The following GBF1 variants were observed in gnomAD, a reference collection of about 807,000 sequenced individuals.
GBF1 encodes the protein Golgi-specific brefeldin A-resistance guanine nucleotide exchange factor 1.
Under a neutral mutation model 210.5 loss-of-function variants are expected in GBF1, and 114 were observed. The ratio of observed to expected loss-of-function variants is 0.54; its 90% CI spans 0.47 to 0.63. The LOEUF (loss-of-function observed/expected upper bound fraction) is 0.63. Among genes scored for constraint, GBF1 ranks in the 30% least tolerant of loss-of-function variants. The pLI is 0.00. For missense variants in GBF1, 1,851 were observed against 2,357.7 expected (o/e 0.79, Z 4.45); for synonymous variants, 850 against 889.2 (o/e 0.96, Z 0.78).
At chr10:102,283,101 G>A (rs1219285041) in intron 3 of GBF1, among the ~76,000 whole-genome samples, 1 of 152,196 alleles carries the variant, frequency 6.6e-6, no homozygotes, top group Non-Finnish European at 1.5e-5. Context: ...CAGAGAAGTA[G>A]TAGTGAAGAT....
chr10:102,319,142 C>G (rs892606911), intron 3 of GBF1, among the ~76,000 whole-genome samples: 5 of 152,126 alleles, frequency 3.3e-5, no homozygotes, highest in Non-Finnish European at 5.9e-5. Flanking sequence ...ATGGTGAAAC[C>G]CCGTCTCTAC....
chr10:102,362,733 T>C (rs1433945853), intron 15 of GBF1, 69 bp downstream of exon 15: 2 of 1,268,584 alleles, frequency 1.6e-6, no homozygotes, highest in Non-Finnish European at 2.3e-6. Flanking sequence ...CTCTGAGTCG[T>C]TTTTCCTGTC....
chr10:102,231,234 G>C, the GBF1 span: 1 of 904,530 alleles, frequency 1.1e-6, no homozygotes, highest in South Asian at 1.8e-5. Flanking sequence ...AGACGGGGTG[G>C]GAGGGAAGGA....
chr10:102,361,627 C>A, intron 13 of GBF1, 91 bp from the exon 14 acceptor site: 1 of 831,520 alleles, frequency 1.2e-6, no homozygotes, highest in Non-Finnish European at 1.9e-6. Flanking sequence ...TGGGCTTCTG[C>A]ATCCTGTTTA....
At chr10:102,312,755 G>A (rs2078584113) in intron 3 of GBF1, among the ~76,000 whole-genome samples, 1 of 152,154 alleles carries the variant, frequency 6.6e-6, no homozygotes, top group Non-Finnish European at 1.5e-5. Context: ...ACTGCTCCTG[G>A]TGTTTGCCTC....
Position 102,367,338 on chromosome 10 carries a change from A to G in GBF1, c.2559+128A>G. ...CAAGGGAATCAGGAAGGGCTGGCCA[A>G]CCTAGAAAAGGGACTGGGGTGGGGA... On this transcript the variant is annotated intron_variant, in intron 20 of 39. Coordinates refer to ENST00000369983, the MANE Select transcript of GBF1 (RefSeq NM_001377137.1). 2.5e-6 allele frequency: 3 copies of G among 1,219,860 alleles called. No individual in the cohort carries two copies. The South Asian group carries it at 3.8e-5, about 16-fold the overall frequency. The allele number at this position is 1,219,860 out of a possible 1,614,324, so 75.6% of individuals were successfully genotyped here. A position where few individuals can be genotyped will look rare whatever the true frequency, so the allele number is the denominator to read the frequency against.
intron 3 of GBF1, among the ~76,000 whole-genome samples, chr10:102,308,868 A>G (rs550991382): frequency 6.6e-6 from 1 of 152,142 alleles, no homozygotes; most frequent in African/African-American, 2.4e-5. Context: ...TAAAACTTAA[A>G]GTATAATAAT....
Position 102,370,171 on chromosome 10 carries a change from T to C in GBF1, c.3340-3T>C. ...GACCCCCTCTCTCTTTTGCCCTCTCTAGCAATGTGACCCAGAAAAAATGAT... is the reference window on the plus strand; with the variant it reads ...GACCCCCTCTCTCTTTTGCCCTCTCCAGCAATGTGACCCAGAAAAAATGAT... On this transcript the variant is annotated splice_region_variant and splice_polypyrimidine_tract_variant and intron_variant, in intron 26 of 39. Transcript: ENST00000369983. The C allele has an allele frequency of 6.2e-7, 1 of 1,609,288 alleles. No individual in the cohort carries two copies. The highest frequency in any genetic ancestry group is 2.2e-5 in the East Asian group (1 of 44,856).
chr10:102,247,884 C>T (rs776451836), intron 1 of GBF1, among the ~76,000 whole-genome samples: 6 of 152,204 alleles, frequency 3.9e-5, no homozygotes, highest in Non-Finnish European at 7.3e-5. Flanking sequence ...GGGCACCAAT[C>T]CCAGTTTCAG....
chr10:102,368,826 C>T lies in GBF1; in HGVS notation c.2967C>T (p.Ser989=), dbSNP rs2060051727. The T allele has an allele frequency of 6.2e-7, 1 of 1,601,440 alleles. No homozygotes were observed. The highest frequency in any genetic ancestry group is 1.1e-5 in the South Asian group (1 of 90,854). The change falls in exon 23 of 40, where the codon AGC becomes AGT. Residue 989 remains serine, a synonymous_variant. Transcript: ENST00000369983. ...IISLCKFTAL[S]SESIENLPSV... ...CTCTATGCAAATTCACAGCTCTCAG[C>T]AGTGAGGTGAGCAGGTGCAGGAACT... is the stretch of plus-strand genomic sequence containing the variant.
intron 3 of GBF1, among the ~76,000 whole-genome samples, chr10:102,264,645 C>T (rs1027257847): frequency 1.3e-5 from 2 of 152,194 alleles, no homozygotes; most frequent in Non-Finnish European, 2.9e-5. Flanking sequence ...CCTTCTCCCC[C>T]CTCCCTGTCT....
intron 3 of GBF1, among the ~76,000 whole-genome samples, chr10:102,270,235 T>A (rs1327246938): frequency 6.6e-6 from 1 of 150,736 alleles, no homozygotes; most frequent in Non-Finnish European, 1.5e-5. Flanking sequence ...AGTGGCGCAA[T>A]CTTGGCTCAC....
At chr10:102,235,620 T>C in the GBF1 span, among the ~76,000 whole-genome samples, 3 of 152,086 alleles carry the variant, frequency 2.0e-5, no homozygotes, top group African/African-American at 4.8e-5. Context: ...TCTACCTGAG[T>C]AGTTTTTTTT....
intron 4 of GBF1, among the ~76,000 whole-genome samples, chr10:102,346,227 C>T (rs1221672454): frequency 1.3e-5 from 2 of 152,098 alleles, no homozygotes; most frequent in African/African-American, 2.4e-5. Context: ...GTGATCCACC[C>T]GCCTCGGCTT....
At chr10:102,274,330 T>C (rs2485371) in intron 3 of GBF1, among the ~76,000 whole-genome samples, 51,496 of 151,632 alleles carry the variant, frequency 0.34, 9,143 homozygotes, top group South Asian at 0.48. Context: ...CTGTCCCACC[T>C]CCACCCTGTG....
chr10:102,293,764 G>GTTTTTATTTTT (rs1263151407), intron 3 of GBF1, among the ~76,000 whole-genome samples: 1 of 50,888 alleles, frequency 2.0e-5, no homozygotes, highest in Non-Finnish European at 4.2e-5. Flanking sequence ...GCTGTAGTAT[G>GTTTTTATTTTT]TTTTGTGTTT....
intron 8 of GBF1, among the ~76,000 whole-genome samples, chr10:102,357,635 A>T (rs1233532141): frequency 2.6e-5 from 4 of 152,150 alleles, no homozygotes; most frequent in Non-Finnish European, 5.9e-5. Flanking sequence ...AAGCCGAGAG[A>T]CCATGCACCT....
intron 3 of GBF1, among the ~76,000 whole-genome samples, chr10:102,301,618 T>G (rs1295077259): frequency 1.3e-5 from 2 of 151,084 alleles, no homozygotes; most frequent in African/African-American, 2.4e-5. Flanking sequence ...GCTCCTCACC[T>G]CCCAGACGGG....
chr10:102,325,060 G>A (rs1478963766), intron 3 of GBF1, among the ~76,000 whole-genome samples: 1 of 152,152 alleles, frequency 6.6e-6, no homozygotes, highest in Admixed American at 6.5e-5. Context: ...TTTACCTCTG[G>A]ATTCTGAGGC....
Sources: gnomAD v4.1 joint callset for allele counts (sites outside exome capture counted in the v4.1 genomes callset) on GRCh38, gnomAD v4.1.1 for gene constraint, MANE v1.5 for transcripts, NCBI Gene and HGNC (gene_info 2026-07-23, HGNC 2026-07-21) for gene names.